AFF1: variants seen among roughly 807,000 people sequenced by gnomAD.
AFF1 encodes ALF transcription elongation factor 1, also known as AF4/FMR2 family member 1.
A neutral mutation model predicts 121.7 loss-of-function variants in AFF1; 48 were observed. That is an observed-to-expected ratio of 0.39 (90% CI 0.31 to 0.50). The LOEUF (loss-of-function observed/expected upper bound fraction) is 0.50, where lower values mean the gene tolerates loss of function less well. AFF1 is among the 20% of genes least tolerant of loss of function. The probability of loss-of-function intolerance (pLI) is 0.76; values close to 1 mark genes in which losing one functional copy is unlikely to be tolerated. For synonymous variants in AFF1, 613 were observed against 563.0 expected, an observed-to-expected ratio of 1.09 and a Z score of -1.26; for missense variants, 1,523 against 1,511.7, an observed-to-expected ratio of 1.01 and a Z score of -0.12.
chr4:86,989,207 A>C (rs1724516048), intron 2 of AFF1, among the ~76,000 whole-genome samples: 1 of 152,262 alleles, frequency 6.6e-6, no homozygotes. Context: ...TAAACTAAAG[A>C]GCTTCTGCAC....
chr4:87,007,540 C>T (rs1337822924), intron 2 of AFF1: 1 of 1,360,578 alleles, frequency 7.3e-7, no homozygotes, highest in African/African-American at 1.4e-5. Flanking sequence ...TTGTCATTGC[C>T]TTCTCATCAT....
intron 8 of AFF1, among the ~76,000 whole-genome samples, chr4:87,095,679 ATTC>A (rs1324956658): frequency 6.6e-6 from 1 of 152,082 alleles, no homozygotes; most frequent in Non-Finnish European, 1.5e-5. Flanking sequence ...TTGCCCAGCT[ATTC>A]TTTATTAAGG....
chr4:87,047,275 A>T lies in AFF1; in HGVS notation c.740A>T (p.Tyr247Phe). The change falls in exon 4 of 21, where the codon TAT (tyrosine) becomes TTT (phenylalanine). Residue 247 changes from tyrosine (Y) to phenylalanine (F), a missense_variant. By Grantham distance (22) the Tyr-to-Phe change is conservative. Around this residue, in one of 5 missense-constraint regions of AFF1, gnomAD observed 369 missense variants for 367.2 expected, o/e 1.00. Transcript: ENST00000395146. The stretch of plus-strand genomic sequence containing the variant: ...GGCAGCAGCAATAACAGTAAAGGCT[A>T]TTGCCCAGCCAAATCTCCCAAGGAC... The part of the protein sequence containing the change: ...VHGSSNNSKG[Y>F]CPAKSPKDLA... The T allele has an allele frequency of 6.2e-7, 1 of 1,614,184 alleles. No individual in the cohort carries two copies. The highest frequency in any genetic ancestry group is 8.5e-7 in the Non-Finnish European group (1 of 1,180,042).
At chr4:87,061,621 AC>A (rs1479249811) in intron 4 of AFF1, among the ~76,000 whole-genome samples, 1 of 152,232 alleles carries the variant, frequency 6.6e-6, no homozygotes, top group Non-Finnish European at 1.5e-5. Flanking sequence ...ATACAGTCTT[AC>A]AGCGCAATCC....
intron 16 of AFF1, among the ~76,000 whole-genome samples, chr4:87,130,079 A>G (rs891524527): frequency 6.8e-6 from 1 of 147,362 alleles, no homozygotes; most frequent in African/African-American, 2.5e-5. Context: ...TATTCAAGCG[A>G]CTCTCCTGCC....
At chr4:86,956,639 G>T (rs1217495083) in intron 2 of AFF1, among the ~76,000 whole-genome samples, 1 of 152,006 alleles carries the variant, frequency 6.6e-6, no homozygotes, top group African/African-American at 2.4e-5. Flanking sequence ...CAATAATTTT[G>T]CCTATTCTGG....
Position 87,094,903 on chromosome 4 carries a change from T to C in AFF1, c.1229-12T>C. 1.9e-6 allele frequency: 3 copies of C among 1,612,636 alleles called. No homozygotes were observed. The South Asian group carries it at 3.3e-5, about 18-fold the overall frequency. ...TGTCATTGTGCTGCTTTGATGTTTC[T>C]CTCCCCCACAGAACAATATGATACA... On this transcript the variant is annotated splice_polypyrimidine_tract_variant and intron_variant, in intron 7 of 20. Coordinates refer to ENST00000395146, the MANE Select transcript of AFF1 (RefSeq NM_001166693.3).
chr4:87,134,344 GT>G, intron 19 of AFF1, 126 bp from the exon 20 acceptor site: 1 of 864,322 alleles, frequency 1.2e-6, no homozygotes, highest in Non-Finnish European at 1.8e-6. Context: ...TTTAGCAGTG[GT>G]TATCATTTTG....
At chr4:87,061,449 A>G (rs1202235580) in intron 4 of AFF1, among the ~76,000 whole-genome samples, 1 of 152,226 alleles carries the variant, frequency 6.6e-6, no homozygotes, top group Non-Finnish European at 1.5e-5. Context: ...TTGTTCTCCC[A>G]CTTGTGAGAG....
At chr4:87,070,069 T>A (rs1721868463) in intron 4 of AFF1, among the ~76,000 whole-genome samples, 1 of 152,064 alleles carries the variant, frequency 6.6e-6, no homozygotes, top group Non-Finnish European at 1.5e-5. Context: ...AGTGGCAGGA[T>A]CTCAGCTCAC....
chr4:87,121,523 GGGGA>G (rs1272674034), intron 12 of AFF1, among the ~76,000 whole-genome samples: 1 of 152,188 alleles, frequency 6.6e-6, no homozygotes, highest in Non-Finnish European at 1.5e-5. Flanking sequence ...TGCCTACTCT[GGGGA>G]AGCCTCTGTG....
intron 2 of AFF1, among the ~76,000 whole-genome samples, chr4:86,988,725 T>C (rs1027571379): frequency 3.3e-5 from 5 of 152,102 alleles, no homozygotes; most frequent in Admixed American, 1.3e-4. Flanking sequence ...AAAGAGCCTA[T>C]ATAACGAAGA....
chr4:87,116,615 G>T (rs1018926808), intron 12 of AFF1, among the ~76,000 whole-genome samples: 1 of 152,212 alleles, frequency 6.6e-6, no homozygotes, highest in Non-Finnish European at 1.5e-5. Flanking sequence ...AATCCAGTGC[G>T]TTAAAAATAT....
chr4:86,935,981 A>T (rs1719949171), intron 1 of AFF1: 1 of 152,132 alleles, frequency 6.6e-6, no homozygotes, highest in South Asian at 2.1e-4. Context: ...TGTGAATCAC[A>T]CGTTACCTTA....
chr4:86,950,148 C>T, intron 2 of AFF1: 1 of 1,498,230 alleles, frequency 6.7e-7, no homozygotes, highest in Non-Finnish European at 9.3e-7. Context: ...CAGCACCGGA[C>T]AAGGCAGATG....
intron 11 of AFF1, among the ~76,000 whole-genome samples, chr4:87,109,755 T>C (rs1726276850): frequency 6.6e-6 from 1 of 152,130 alleles, no homozygotes; most frequent in South Asian, 2.1e-4. Context: ...TAATGAGACA[T>C]AGATATATTT....
chr4:87,087,384 C>G (rs964635621), intron 5 of AFF1, among the ~76,000 whole-genome samples: 2 of 152,120 alleles, frequency 1.3e-5, no homozygotes, highest in Non-Finnish European at 2.9e-5. Flanking sequence ...GAGGGAAGAA[C>G]TGGTGGAAAA....
intron 4 of AFF1, among the ~76,000 whole-genome samples, chr4:87,058,557 C>G (rs1052848512): frequency 6.6e-6 from 1 of 151,986 alleles, no homozygotes; most frequent in South Asian, 2.1e-4. Context: ...TTGTCTCTTT[C>G]TGTTTAATCT....
intron 5 of AFF1, among the ~76,000 whole-genome samples, chr4:87,085,871 C>A (rs138492172): frequency 1.3e-5 from 2 of 151,680 alleles, no homozygotes; most frequent in Admixed American, 6.6e-5. Context: ...CCCAAGTAGC[C>A]GGGATTACAG....
Sources: gnomAD v4.1 joint callset for allele counts (sites outside exome capture counted in the v4.1 genomes callset) on GRCh38, gnomAD v4.1.1 for gene constraint, gnomAD v4.1.1 regional missense constraint, MANE v1.5 for transcripts, NCBI Gene and HGNC (gene_info 2026-07-23, HGNC 2026-07-21) for gene names.